Variants in ZNF599 observed in about 807,000 individuals in gnomAD.
ZNF599 encodes zinc finger protein 599.
Under a neutral mutation model 11.7 loss-of-function variants are expected in ZNF599, and 10 were observed. That is an observed-to-expected ratio of 0.86 (90% CI 0.53 to 1.45). ZNF599 has a LOEUF of 1.45. ZNF599 is among the 40% of genes most tolerant of loss of function. The pLI is 0.00. For missense variants in ZNF599, 688 were observed against 713.6 expected, an observed-to-expected ratio of 0.96 and a Z score of 0.41; for synonymous variants, 232 against 253.2, an observed-to-expected ratio of 0.92 and a Z score of 0.79.
chr19:34,799,888 C>G, the ZNF599 span, among the ~76,000 whole-genome samples: 16 of 152,360 alleles, frequency 1.1e-4, no homozygotes, highest in African/African-American at 3.6e-4. Flanking sequence ...GGCTACACCA[C>G]TTTGCATTCC....
the ZNF599 span, chr19:34,779,678 C>A: frequency 3.2e-6 from 1 of 316,524 alleles, no homozygotes; most frequent in South Asian, 2.5e-5. Flanking sequence ...CTGAGTAAAT[C>A]TCACTTGCTG....
At chr19:34,761,780 C>T (rs1343458138) in intron 3 of ZNF599, among the ~76,000 whole-genome samples, 2 of 152,194 alleles carry the variant, frequency 1.3e-5, no homozygotes, top group East Asian at 3.9e-4. Context: ...GAATTACCTC[C>T]AGAGTGATTA....
the ZNF599 span, among the ~76,000 whole-genome samples, chr19:34,791,002 C>T: frequency 6.6e-5 from 10 of 152,248 alleles, no homozygotes; most frequent in African/African-American, 2.4e-4. Context: ...CTTTTAGAGC[C>T]ACTGTGTTTC....
chr19:34,793,338 G>A, the ZNF599 span, among the ~76,000 whole-genome samples: 1 of 152,180 alleles, frequency 6.6e-6, no homozygotes. Flanking sequence ...GATGTTGTGA[G>A]GGCTAATCAG....
At chr19:34,799,993 C>G in the ZNF599 span, among the ~76,000 whole-genome samples, 15 of 152,314 alleles carry the variant, frequency 9.8e-5, no homozygotes, top group African/African-American at 3.6e-4. Context: ...GATGTGTAGG[C>G]TAATGTCTTG....
chr19:34,772,898 C>A lies in ZNF599; in HGVS notation c.-57G>T. ...TCGGCGAGGAAGCCGGTCCTGCGGGCTCGGCCGACCCCGGGCTCCGGCTCT... is the reference window on the plus strand; with the variant it reads ...TCGGCGAGGAAGCCGGTCCTGCGGGATCGGCCGACCCCGGGCTCCGGCTCT... On this transcript the variant is annotated 5_prime_UTR_variant, in exon 1 of 4. Coordinates refer to ENST00000329285, the MANE Select transcript of ZNF599 (RefSeq NM_001007248.3). The A allele has an allele frequency of 1.4e-6, 2 of 1,405,714 alleles. No homozygotes were observed. The highest frequency in any genetic ancestry group is 3.0e-5 in the East Asian group (1 of 33,834). 87.1% of individuals were successfully genotyped at this position (1,405,714 alleles called of 1,614,324 possible). A position where few individuals can be genotyped will look rare whatever the true frequency, so the allele number is the denominator to read the frequency against.
intron 3 of ZNF599, chr19:34,764,070 A>G: frequency 6.6e-6 from 1 of 152,382 alleles, no homozygotes; most frequent in Non-Finnish European, 1.5e-5. Flanking sequence ...CGACAGAGTG[A>G]GATCCTGTCT....
the ZNF599 span, among the ~76,000 whole-genome samples, chr19:34,807,524 A>G: frequency 0.045 from 6,882 of 152,228 alleles, 492 homozygotes; most frequent in African/African-American, 0.15. Context: ...TTTCCCTCAG[A>G]CCTGACCCAG....
the ZNF599 span, among the ~76,000 whole-genome samples, chr19:34,788,388 C>T: frequency 6.6e-6 from 1 of 152,136 alleles, no homozygotes; most frequent in Non-Finnish European, 1.5e-5. Flanking sequence ...ATATTTGTCA[C>T]CACTCACTCC....
the ZNF599 span, chr19:34,779,425 A>G: frequency 2.2e-6 from 1 of 454,642 alleles, no homozygotes; most frequent in Non-Finnish European, 4.4e-6. Flanking sequence ...TAGTCACTAC[A>G]CTCATGAAAA....
chr19:34,777,466 T>TATATATTAATTAATATATAATATATG (rs1568497119), upstream of ZNF599, among the ~76,000 whole-genome samples: 1 of 96,178 alleles, frequency 1.0e-5, no homozygotes, highest in African/African-American at 4.8e-5. Context: ...TATAATATAT[T>TATATATTAATTAATATATAATATATG]ATATATTAAT....
the ZNF599 span, among the ~76,000 whole-genome samples, chr19:34,806,833 C>T: frequency 2.0e-4 from 31 of 152,168 alleles, no homozygotes; most frequent in Non-Finnish European, 3.5e-4. Context: ...CTCAAAATCT[C>T]TCCCTCAAAT....
chr19:34,802,821 C>T, the ZNF599 span, among the ~76,000 whole-genome samples: 2 of 152,154 alleles, frequency 1.3e-5, no homozygotes, highest in Admixed American at 1.3e-4. Context: ...AAGAAGCACC[C>T]ATAGCTCTTC....
At chr19:34,770,110 G>C (rs530367977) in intron 1 of ZNF599, among the ~76,000 whole-genome samples, 1 of 152,172 alleles carries the variant, frequency 6.6e-6, no homozygotes, top group Non-Finnish European at 1.5e-5. Flanking sequence ...AAATTAATGA[G>C]AAAATGTTCA....
Position 34,759,904 on chromosome 19 carries a change from G to T in ZNF599, c.897C>A (p.Ile299=), listed in dbSNP as rs1478134108. Residue 299 remains isoleucine (I), a synonymous_variant, in exon 4 of 4, where the codon ATC becomes ATA. Coordinates refer to ENST00000329285, the MANE Select transcript of ZNF599 (RefSeq NM_001007248.3). ...CTCGAGTGTGAGTCATATTATGCTG[G>T]ATAAAAGAAGAGCGGTGGGTGAATG... The part of the protein sequence containing the change: ...GKAFTHRSSF[I]QHNMTHTREK... The T allele has an allele frequency of 1.2e-6, 2 of 1,613,950 alleles. No homozygotes were observed. The highest frequency in any genetic ancestry group is 1.7e-6 in the Non-Finnish European group (2 of 1,179,968).
chr19:34,806,647 T>TC, the ZNF599 span, among the ~76,000 whole-genome samples: 1 of 151,492 alleles, frequency 6.6e-6, no homozygotes, highest in Non-Finnish European at 1.5e-5. Context: ...AGAATAGACT[T>TC]ATCAGATGAG....
chr19:34,761,144 T>C (rs1432094023), intron 3 of ZNF599, among the ~76,000 whole-genome samples: 1 of 151,828 alleles, frequency 6.6e-6, no homozygotes, highest in Non-Finnish European at 1.5e-5. Flanking sequence ...GAGATGAGGA[T>C]GGAAAGGCAG....
Position 34,768,431 on chromosome 19 carries a change from G to A in ZNF599, c.145+998C>T, listed in dbSNP as rs376952117. ...GACGCAGGACTGGGAGAGCCCTGTC[G>A]ATGGTAACCATTTGAACAACTGGAA... On this transcript the variant is annotated intron_variant, in intron 2 of 3. Transcript: ENST00000329285. Among the ~76,000 whole-genome samples, 10 of 152,314 alleles carry A rather than the reference G, an allele frequency of 6.6e-5. No homozygotes were observed. In the East Asian group the frequency reaches 1.5e-3, roughly 24 times the overall value.
chr19:34,777,410 A>AATATATG (rs1568497026), upstream of ZNF599, among the ~76,000 whole-genome samples: 340 of 91,216 alleles, frequency 3.7e-3, 4 homozygotes, highest in African/African-American at 0.016. Flanking sequence ...TATTATATAT[A>AATATATG]ATATATATTA....
Sources: gnomAD v4.1 joint callset for allele counts (sites outside exome capture counted in the v4.1 genomes callset) on GRCh38, gnomAD v4.1.1 for gene constraint, MANE v1.5 for transcripts, NCBI Gene and HGNC (gene_info 2026-07-23, HGNC 2026-07-21) for gene names.